The following SHANK2 variants were observed in gnomAD, a reference collection of about 807,000 sequenced individuals.
SHANK2 encodes SH3 and multiple ankyrin repeat domains protein 2.
SHANK2 carries 43 observed loss-of-function variants against 133.7 expected under a neutral mutation model. The observed-to-expected ratio is 0.32, with a 90% CI of 0.25 to 0.41. The LOEUF is 0.41. Among genes scored for constraint, SHANK2 ranks in the 10% least tolerant of loss-of-function variants. The probability of loss-of-function intolerance (pLI) is 1.00; values close to 1 mark genes in which losing one functional copy is unlikely to be tolerated. For synonymous variants in SHANK2, 1,017 were observed against 952.8 expected (o/e 1.07, Z -1.24); for missense variants, 1,994 against 2,235.8 (o/e 0.89, Z 2.18).
chr11:71,153,406 C>T (rs1454143560), intron 2 of SHANK2, among the ~76,000 whole-genome samples: 3 of 152,192 alleles, frequency 2.0e-5, no homozygotes, highest in Non-Finnish European at 4.4e-5. Flanking sequence ...AAAAGAAAAT[C>T]ATCACAGTCA....
chr11:70,624,527 T>G (rs2060877329), intron 17 of SHANK2, among the ~76,000 whole-genome samples: 1 of 139,380 alleles, frequency 7.2e-6, no homozygotes, highest in Non-Finnish European at 1.6e-5. Context: ...GGCCACAACC[T>G]TCTTCAAAAA....
chr11:70,571,882 G>A (rs973990759), intron 17 of SHANK2, among the ~76,000 whole-genome samples: 2 of 152,140 alleles, frequency 1.3e-5, no homozygotes, highest in African/African-American at 2.4e-5. Context: ...GGGTGCTGTG[G>A]GCTGAATGTC....
intron 25 of SHANK2, among the ~76,000 whole-genome samples, chr11:70,482,736 G>A (rs954981936): frequency 1.3e-4 from 20 of 152,220 alleles, no homozygotes; most frequent in Admixed American, 9.8e-4. Flanking sequence ...GGAGGCGGCC[G>A]TTCTTGGCAC....
At chr11:71,080,000 T>C (rs1951276730) in intron 8 of SHANK2, among the ~76,000 whole-genome samples, 1 of 151,332 alleles carries the variant, frequency 6.6e-6, no homozygotes, top group African/African-American at 2.4e-5. Flanking sequence ...ACAAAGATAC[T>C]GAAAGCTACC....
chr11:71,229,020 C>T (rs1434982149), intron 1 of SHANK2, among the ~76,000 whole-genome samples: 5 of 152,100 alleles, frequency 3.3e-5, no homozygotes, highest in Non-Finnish European at 5.9e-5. Flanking sequence ...GCAGAAAAAG[C>T]ATTTAACAAA....
intron 11 of SHANK2, among the ~76,000 whole-genome samples, chr11:70,867,660 C>T (rs1357142430): frequency 6.6e-6 from 1 of 152,234 alleles, no homozygotes; most frequent in Non-Finnish European, 1.5e-5. Context: ...CCACTGAATT[C>T]AGAGCCAGCC....
intron 14 of SHANK2, among the ~76,000 whole-genome samples, chr11:70,717,862 G>GA (rs1160747630): frequency 2.0e-4 from 30 of 148,704 alleles, no homozygotes; most frequent in South Asian, 4.3e-4. Flanking sequence ...AAGAAGAAAA[G>GA]AAAAAAAAAA....
intron 11 of SHANK2, chr11:70,863,653 C>T (rs1468187640): frequency 2.3e-6 from 1 of 426,528 alleles, no homozygotes; most frequent in Non-Finnish European, 4.7e-6. Context: ...GGTCCACTCT[C>T]TCTGGCATCC....
At chr11:70,863,905 C>T (rs1555068469) in intron 11 of SHANK2, 2 of 454,978 alleles carry the variant, frequency 4.4e-6, no homozygotes, top group South Asian at 3.1e-5. Context: ...CCTGGGACAC[C>T]CTAATCACAG....
chr11:71,056,070 G>A (rs1213065918), intron 10 of SHANK2, among the ~76,000 whole-genome samples: 1 of 152,098 alleles, frequency 6.6e-6, no homozygotes, highest in African/African-American at 2.4e-5. Flanking sequence ...CTCCACTCTG[G>A]GACAGCGGAC....
intron 1 of SHANK2, among the ~76,000 whole-genome samples, chr11:71,231,450 T>G (rs1212111464): frequency 1.1e-4 from 17 of 152,348 alleles, no homozygotes; most frequent in African/African-American, 3.6e-4. Flanking sequence ...GTGGAAAACC[T>G]GGATCTTACA....
intron 14 of SHANK2, among the ~76,000 whole-genome samples, chr11:70,780,415 G>C (rs1555044865): frequency 6.6e-6 from 1 of 152,072 alleles, no homozygotes. Flanking sequence ...AAAAATAGAG[G>C]CCTGGCTCTA....
intron 11 of SHANK2, among the ~76,000 whole-genome samples, chr11:70,887,036 G>A (rs1346158094): frequency 2.0e-5 from 3 of 152,078 alleles, no homozygotes; most frequent in African/African-American, 2.4e-5. Flanking sequence ...CCACAAAGCC[G>A]GGCAAAAGCA....
At chr11:70,712,235 G>T (rs1226384616) in intron 14 of SHANK2, among the ~76,000 whole-genome samples, 3 of 152,158 alleles carry the variant, frequency 2.0e-5, no homozygotes, top group Admixed American at 2.0e-4. Context: ...CTGACTCTCA[G>T]CCCTATGCCT....
intron 17 of SHANK2, among the ~76,000 whole-genome samples, chr11:70,546,097 A>ATTTTTTTTTTTTTTT (rs57144719): frequency 5.1e-5 from 7 of 137,514 alleles, no homozygotes; most frequent in Non-Finnish European, 7.7e-5. Context: ...TATTTATTTA[A>ATTTTTTTTTTTTTTT]TTTTTTTTTT....
At chr11:70,700,769 T>C (rs1945502270) in intron 14 of SHANK2, among the ~76,000 whole-genome samples, 1 of 152,118 alleles carries the variant, frequency 6.6e-6, no homozygotes, top group Non-Finnish European at 1.5e-5. Flanking sequence ...ATCCCGGGGA[T>C]GGGGCGAAGG....
intron 14 of SHANK2, among the ~76,000 whole-genome samples, chr11:70,709,472 C>A (rs1169933219): frequency 8.5e-5 from 13 of 152,192 alleles, no homozygotes; most frequent in African/African-American, 3.1e-4. Flanking sequence ...CAGGTCTGAC[C>A]TGGCTGAGGA....
At chr11:71,065,882 GGGGGATACAGAACTCTCCC>G (rs1951049038) in intron 9 of SHANK2, among the ~76,000 whole-genome samples, 1 of 131,228 alleles carries the variant, frequency 7.6e-6, no homozygotes, top group East Asian at 2.5e-4. Flanking sequence ...GGGAAGTTGG[GGGGGATACAGAACTCTCCC>G]AGGGAGATGA....
At chr11:71,157,538 A>G (rs1282395544) in intron 2 of SHANK2, among the ~76,000 whole-genome samples, 1 of 152,150 alleles carries the variant, frequency 6.6e-6, no homozygotes, top group East Asian at 1.9e-4. Flanking sequence ...GCCAGACTCA[A>G]CACAGCCTCC....
Sources: gnomAD v4.1 joint callset for allele counts (sites outside exome capture counted in the v4.1 genomes callset) on GRCh38, gnomAD v4.1.1 for gene constraint, MANE v1.5 for transcripts, NCBI Gene and HGNC (gene_info 2026-07-23, HGNC 2026-07-21) for gene names.